Variants in TSHZ2 observed in about 807,000 individuals in gnomAD.
TSHZ2 encodes teashirt homolog 2.
In TSHZ2, 21 loss-of-function variants were observed where a neutral mutation model predicts 74.4. That is an observed-to-expected ratio of 0.28 (90% CI 0.20 to 0.41). The LOEUF (loss-of-function observed/expected upper bound fraction) is 0.41. TSHZ2 is among the 10% of genes least tolerant of loss of function. The pLI, the probability that TSHZ2 is intolerant of heterozygous loss-of-function variation, is 1.00. For synonymous variants in TSHZ2, 540 were observed against 515.3 expected (o/e 1.05, Z -0.65); for missense variants, 1,244 against 1,293.5 (o/e 0.96, Z 0.59).
intron 2 of TSHZ2, among the ~76,000 whole-genome samples, chr20:53,463,380 GAGGAAGGAAGGAAGGAAGGAAGGAAGGA>G (rs3042220): frequency 1.0e-4 from 7 of 68,618 alleles, no homozygotes; most frequent in Non-Finnish European, 8.1e-5. Context: ...CAGAGAGAGA[GAGGAAGGAAGGAAGGAAGGAAGGAAGGA>G]AGGAAGGAAG....
chr20:52,995,110 A>T (rs2122933570), intron 1 of TSHZ2, among the ~76,000 whole-genome samples: 1 of 152,290 alleles, frequency 6.6e-6, no homozygotes, highest in East Asian at 1.9e-4. Context: ...AAACTTTTTT[A>T]TCTTGATGAA....
intron 1 of TSHZ2, among the ~76,000 whole-genome samples, chr20:53,240,571 T>A (rs1039424815): frequency 2.0e-5 from 3 of 152,130 alleles, no homozygotes; most frequent in African/African-American, 7.2e-5. Context: ...TTCCAGGAAC[T>A]CAGCCCATGC....
intron 2 of TSHZ2, among the ~76,000 whole-genome samples, chr20:53,433,573 A>G (rs76438262): frequency 2.3e-4 from 25 of 108,970 alleles, no homozygotes; most frequent in African/African-American, 9.4e-4. Flanking sequence ...ACACAGACAC[A>G]CAGACACACA....
At chr20:53,033,712 T>G (rs1337852436) in intron 1 of TSHZ2, among the ~76,000 whole-genome samples, 1 of 123,198 alleles carries the variant, frequency 8.1e-6, no homozygotes, top group African/African-American at 3.2e-5. Context: ...CAGGCTGGAG[T>G]GCAGTGGTGT....
At chr20:52,983,172 C>A (rs1981630238) in intron 1 of TSHZ2, among the ~76,000 whole-genome samples, 1 of 152,210 alleles carries the variant, frequency 6.6e-6, no homozygotes, top group Admixed American at 6.5e-5. Context: ...TGGGGTCCAA[C>A]TGCAGCCAGC....
chr20:53,175,586 C>T (rs1391983344), intron 1 of TSHZ2, among the ~76,000 whole-genome samples: 4 of 152,180 alleles, frequency 2.6e-5, no homozygotes, highest in South Asian at 2.1e-4. Context: ...ACATTGTTAT[C>T]TTGTCTGTTC....
intron 1 of TSHZ2, among the ~76,000 whole-genome samples, chr20:53,113,695 G>A (rs1986594976): frequency 1.3e-5 from 2 of 152,188 alleles, no homozygotes; most frequent in South Asian, 2.1e-4. Flanking sequence ...CTCTGAGTGT[G>A]TCTGAACAAT....
chr20:53,011,793 A>G (rs1029007788), intron 1 of TSHZ2, among the ~76,000 whole-genome samples: 2 of 152,230 alleles, frequency 1.3e-5, no homozygotes, highest in Non-Finnish European at 2.9e-5. Flanking sequence ...GAACAACCCC[A>G]CAGCTGCCTT....
At chr20:53,160,864 A>G (rs1336681074) in intron 1 of TSHZ2, among the ~76,000 whole-genome samples, 1 of 151,756 alleles carries the variant, frequency 6.6e-6, no homozygotes, top group Admixed American at 6.6e-5. Context: ...TTGAATGTAC[A>G]TCTTCATCTA....
chr20:53,368,947 G>A (rs1313183693), intron 2 of TSHZ2, among the ~76,000 whole-genome samples: 1 of 152,176 alleles, frequency 6.6e-6, no homozygotes, highest in Non-Finnish European at 1.5e-5. Flanking sequence ...GCCGTAAGAA[G>A]AGCCTGCATG....
chr20:53,001,769 GGTTTAAC>G (rs1204211380), intron 1 of TSHZ2, among the ~76,000 whole-genome samples: 1 of 152,142 alleles, frequency 6.6e-6, no homozygotes, highest in Non-Finnish European at 1.5e-5. Flanking sequence ...ATTTCAGGAA[GGTTTAAC>G]GTTACGTATG....
intron 1 of TSHZ2, among the ~76,000 whole-genome samples, chr20:53,026,471 C>T (rs750382589): frequency 1.3e-5 from 2 of 152,028 alleles, no homozygotes; most frequent in East Asian, 1.9e-4. Context: ...CCTGCCTCAG[C>T]CTCTGGAGCA....
At chr20:53,451,080 A>G (rs552698216) in intron 2 of TSHZ2, among the ~76,000 whole-genome samples, 1 of 152,322 alleles carries the variant, frequency 6.6e-6, no homozygotes, top group South Asian at 2.1e-4. Context: ...CCAAACCAAC[A>G]TGCCATATTG....
intron 1 of TSHZ2, among the ~76,000 whole-genome samples, chr20:53,115,297 C>G (rs376045238): frequency 6.6e-6 from 1 of 152,142 alleles, no homozygotes; most frequent in Non-Finnish European, 1.5e-5. Context: ...TCCAATAATT[C>G]CCACAAGTCA....
At chr20:53,449,829 C>T (rs1484615093) in intron 2 of TSHZ2, among the ~76,000 whole-genome samples, 2 of 152,230 alleles carry the variant, frequency 1.3e-5, no homozygotes, top group Non-Finnish European at 2.9e-5. Context: ...TTTATGTACA[C>T]ATTAATCACC....
At chr20:53,335,593 A>C (rs1979913192) in intron 2 of TSHZ2, among the ~76,000 whole-genome samples, 1 of 152,244 alleles carries the variant, frequency 6.6e-6, no homozygotes, top group Admixed American at 6.5e-5. Context: ...TGCATATCGG[A>C]AGAATCATCT....
rs571232124 is a variant in TSHZ2 at position 53,281,476 on chromosome 20, G to GT, written c.*8+24906dup. ...ACTACAAATCTTCAACTCTGCCATTGTATCACAAAAGCAGCCATAGGTGAT... is the reference window on the plus strand; with the variant it reads ...ACTACAAATCTTCAACTCTGCCATTGTTATCACAAAAGCAGCCATAGGTGAT... On this transcript the variant is annotated intron_variant, in intron 2 of 2. Transcript: ENST00000371497. Among the ~76,000 whole-genome samples the GT allele has an allele frequency of 3.9e-5, 6 of 152,320 alleles. No individual in the cohort carries two copies. The East Asian group carries it at 1.2e-3, about 29-fold the overall frequency.
chr20:53,388,001 A>G lies in TSHZ2; in HGVS notation c.*9-99143A>G, dbSNP rs533089264. Among the ~76,000 whole-genome samples the G allele has an allele frequency of 8.9e-4, 134 of 150,942 alleles. 2 individuals are homozygous for G. The South Asian group carries it at 0.013, about 15-fold the overall frequency. ...GAGGCAGAGGTTGCAGTGAGCCAAG[A>G]TCATGGCACTGCACTCCAGCCTGGG... On this transcript the variant is annotated intron_variant, in intron 2 of 2. Coordinates refer to ENST00000371497, the MANE Select transcript of TSHZ2 (RefSeq NM_173485.6).
intron 2 of TSHZ2, among the ~76,000 whole-genome samples, chr20:53,484,525 T>C (rs553449778): frequency 6.6e-6 from 1 of 152,034 alleles, no homozygotes; most frequent in East Asian, 1.9e-4. Context: ...AGCTGGAATT[T>C]CAGAGGTGCA....
Sources: allele counts gnomAD v4.1 joint callset (sites outside exome capture counted in the v4.1 genomes callset), GRCh38; gene constraint gnomAD v4.1.1; transcripts MANE v1.5; gene names NCBI Gene and HGNC (gene_info 2026-07-23, HGNC 2026-07-21).